GOLT1B: variants seen among roughly 807,000 people sequenced by gnomAD.
The protein encoded by GOLT1B is golgi transport 1B.
GOLT1B carries 3 observed loss-of-function variants against 15.4 expected under a neutral mutation model. That is an observed-to-expected ratio of 0.19 (90% CI 0.09 to 0.50). The LOEUF (loss-of-function observed/expected upper bound fraction) is 0.50, where lower values mean the gene tolerates loss of function less well. Among genes scored for constraint, GOLT1B ranks in the 20% least tolerant of loss-of-function variants. The pLI is 0.97. For missense variants in GOLT1B, 145 were observed against 160.4 expected (o/e 0.90, Z 0.52); for synonymous variants, 65 against 56.2 (o/e 1.16, Z -0.70).
At chr12:21,503,291 G>A (rs1943652682) in intron 1 of GOLT1B, among the ~76,000 whole-genome samples, 1 of 152,212 alleles carries the variant, frequency 6.6e-6, no homozygotes, top group Non-Finnish European at 1.5e-5. Context: ...GCTCACAGAA[G>A]CATGCCCCTT....
chr12:21,513,865 G>A (rs1156325564), intron 4 of GOLT1B, among the ~76,000 whole-genome samples: 1 of 152,178 alleles, frequency 6.6e-6, no homozygotes, highest in Non-Finnish European at 1.5e-5. Context: ...CAGTCCTTGA[G>A]GGCAGAGACA....
At chr12:21,504,693 G>A (rs1422071176) in intron 1 of GOLT1B, 8 of 455,872 alleles carry the variant, frequency 1.8e-5, no homozygotes, top group Non-Finnish European at 3.5e-5. Flanking sequence ...ATGAACCATA[G>A]GACCAGTGCT....
In GOLT1B at chr12:21,515,740, T is replaced by C. The variant is rs778615411; in HGVS notation, c.*33T>C. 16 of 932,548 alleles carry C rather than the reference T, an allele frequency of 1.7e-5. No homozygotes were observed. Among genetic ancestry groups the C allele is most frequent in the African/African-American group, 1.2e-4 (7 of 60,234 alleles). 57.8% of individuals were successfully genotyped at this position (932,548 alleles called of 1,614,324 possible). ...TGAATTTGAAGACTCATTTAAAATA[T>C]TGTGTTATTTATAAAGTCATTTGAA... On this transcript the variant is annotated 3_prime_UTR_variant, in exon 5 of 5. Coordinates refer to ENST00000229314, the MANE Select transcript of GOLT1B (RefSeq NM_016072.5).
chr12:21,511,855 G>T (rs1638410485), intron 3 of GOLT1B, among the ~76,000 whole-genome samples: 1 of 152,162 alleles, frequency 6.6e-6, no homozygotes, highest in African/African-American at 2.4e-5. Flanking sequence ...AACTTCTGTA[G>T]ACTTGTATTT....
At chr12:21,511,643 G>T (rs1409579704) in intron 3 of GOLT1B, among the ~76,000 whole-genome samples, 3 of 152,210 alleles carry the variant, frequency 2.0e-5, no homozygotes, top group African/African-American at 7.2e-5. Context: ...TCACCTTGTA[G>T]AGACTCTTAA....
rs561482960 is a variant in GOLT1B at position 21,514,252 on chromosome 12, A to G, written c.379-1417A>G. On this transcript the variant is annotated intron_variant, in intron 4 of 4. Coordinates refer to ENST00000229314, the MANE Select transcript of GOLT1B (RefSeq NM_016072.5). ...GCTTTATAGGAAAACTTAAAAGACT[A>G]CAAGTTCCAGTTAGGTTCAGGGAAG... Among the ~76,000 whole-genome samples, 24 of 152,312 alleles carry G rather than the reference A, an allele frequency of 1.6e-4. No homozygotes were observed. The East Asian group carries it at 3.7e-3, about 23-fold the overall frequency.
rs998788745 is a variant in GOLT1B at position 21,517,560 on chromosome 12, G to T, written c.*1853G>T. 1.3e-5 allele frequency: 2 copies of T among 152,026 alleles called. No individual in the cohort carries two copies. The highest frequency in any genetic ancestry group is 4.8e-5 in the African/African-American group (2 of 41,414). 9.4% of individuals were successfully genotyped at this position (152,026 alleles called of 1,614,324 possible). A position where few individuals can be genotyped will look rare whatever the true frequency, so the allele number is the denominator to read the frequency against. On this transcript the variant is annotated 3_prime_UTR_variant, in exon 5 of 5. Coordinates refer to ENST00000229314, the MANE Select transcript of GOLT1B (RefSeq NM_016072.5). ...TAGAGCAAGAATAGTATCTGCTAAT[G>T]TAAGGGACATCTGTATTTAACTCCT... is the stretch of plus-strand genomic sequence containing the variant.
At chr12:21,515,113 T>C in intron 4 of GOLT1B, 1 of 525,880 alleles carries the variant, frequency 1.9e-6, no homozygotes, top group Non-Finnish European at 3.4e-6. Flanking sequence ...GCTTACATCA[T>C]TAAATCTATC....
chr12:21,503,764 C>G (rs1226647544), intron 1 of GOLT1B, among the ~76,000 whole-genome samples: 1 of 152,160 alleles, frequency 6.6e-6, no homozygotes, highest in Non-Finnish European at 1.5e-5. Flanking sequence ...AGTGATTTGT[C>G]AGGATTATTC....
chr12:21,515,459 A>G (rs1352445796), intron 4 of GOLT1B, among the ~76,000 whole-genome samples: 4 of 152,134 alleles, frequency 2.6e-5, no homozygotes, highest in Non-Finnish European at 5.9e-5. Context: ...GTCATGCAAA[A>G]AACAACTTTT....
intron 4 of GOLT1B, among the ~76,000 whole-genome samples, chr12:21,513,127 A>G (rs918382717): frequency 6.6e-6 from 1 of 151,232 alleles, no homozygotes; most frequent in Non-Finnish European, 1.5e-5. Flanking sequence ...TGGGATTCAG[A>G]TGGTAAGAGT....
At chr12:21,503,271 G>A (rs1943652329) in intron 1 of GOLT1B, among the ~76,000 whole-genome samples, 1 of 152,154 alleles carries the variant, frequency 6.6e-6, no homozygotes, top group South Asian at 2.1e-4. Context: ...TCTTATAAGA[G>A]CCCTGTAAGG....
At chr12:21,503,496 TAA>T (rs1268248897) in intron 1 of GOLT1B, among the ~76,000 whole-genome samples, 19 of 152,034 alleles carry the variant, frequency 1.2e-4, no homozygotes, top group African/African-American at 4.4e-4. Flanking sequence ...TTTGAAGACT[TAA>T]TATAGTGATG....
At chr12:21,513,541 G>A (rs1943735268) in intron 4 of GOLT1B, among the ~76,000 whole-genome samples, 1 of 151,728 alleles carries the variant, frequency 6.6e-6, no homozygotes, top group South Asian at 2.1e-4. Context: ...TCAAACTCTT[G>A]GGCTCAAGCA....
At chr12:21,514,102 T>G (rs1028607426) in intron 4 of GOLT1B, among the ~76,000 whole-genome samples, 1 of 152,210 alleles carries the variant, frequency 6.6e-6, no homozygotes, top group Non-Finnish European at 1.5e-5. Context: ...CTAGGTGATC[T>G]AGAATTCAGC....
At position 21,512,348 on chromosome 12, in the gene GOLT1B, C is replaced by G. The variant is rs1943726255; in HGVS notation, c.350C>G (p.Ser117Cys). The G allele has an allele frequency of 6.4e-7, 1 of 1,563,442 alleles. No individual in the cohort carries two copies. The highest frequency in any genetic ancestry group is 8.8e-7 in the Non-Finnish European group (1 of 1,134,210). Residue 117 changes from serine (S) to cysteine (C), a missense_variant, in exon 4 of 5, where the codon TCC (serine) becomes TGC (cysteine). Physicochemically the swap from Ser to Cys is moderately radical, Grantham distance 112. Coordinates refer to ENST00000229314, the MANE Select transcript of GOLT1B (RefSeq NM_016072.5). Reference sequence around the variant, plus strand: ...ATTAGAAGAGTGCCAGTCCTTGGATCCCTCCTAAATTTACCTGGAATTAGA... The same window carrying G: ...ATTAGAAGAGTGCCAGTCCTTGGATGCCTCCTAAATTTACCTGGAATTAGA... ...GFIRRVPVLG[S>C]LLNLPGIRSF...
chr12:21,508,486 G>C lies in GOLT1B; in HGVS notation c.221G>C (p.Gly74Ala). The change falls in exon 3 of 5, where the codon GGT (glycine) becomes GCT (alanine). Residue 74 changes from glycine (G) to alanine (A), a missense_variant. Physicochemically the swap from Gly to Ala is moderately conservative, Grantham distance 60. Coordinates refer to ENST00000229314, the MANE Select transcript of GOLT1B (RefSeq NM_016072.5). ...KMKATGFFLG[G>A]VFVVLIGWPL... ...AAAGCTACAGGTTTTTTTCTGGGTG[G>C]TGTATTTGTAGTCCTTATTGGTTGG... is the stretch of plus-strand genomic sequence containing the variant. The C allele has an allele frequency of 6.3e-7, 1 of 1,586,886 alleles. No homozygotes were observed.
chr12:21,508,844 T>C (rs1943698004), intron 3 of GOLT1B, among the ~76,000 whole-genome samples: 2 of 151,694 alleles, frequency 1.3e-5, no homozygotes, highest in South Asian at 4.2e-4. Context: ...ATCAACTAAA[T>C]AGTGGTAGGT....
rs751100591 is a variant in GOLT1B, at chr12:21,501,964, G to A, written c.25+16G>A. On this transcript the variant is annotated intron_variant, in intron 1 of 4. Transcript: ENST00000229314. ...GACACGCAGAGTAAGCACCTGCTCC[G>A]GGGCCCCCGCCTCGAGCCGCGCACA... is the stretch of plus-strand genomic sequence containing the variant. 43 of 1,595,392 alleles carry A rather than the reference G, an allele frequency of 2.7e-5. No individual in the cohort carries two copies. The highest frequency in any genetic ancestry group is 3.4e-5 in the Non-Finnish European group (39 of 1,163,540).
Sources: allele counts gnomAD v4.1 joint callset (sites outside exome capture counted in the v4.1 genomes callset), GRCh38; gene constraint gnomAD v4.1.1; transcripts MANE v1.5; gene names NCBI Gene and HGNC (gene_info 2026-07-23, HGNC 2026-07-21).